The following SORCS2 variants were observed in gnomAD, a reference collection of about 807,000 sequenced individuals.
The protein encoded by SORCS2 is VPS10 domain-containing receptor SorCS2.
SORCS2 carries 100 observed loss-of-function variants against 141.6 expected under a neutral mutation model. The observed-to-expected ratio is 0.71, with a 90% CI of 0.60 to 0.83. SORCS2 has a LOEUF of 0.83. Ranked by LOEUF, SORCS2 falls within the 40% of genes least tolerant of loss-of-function variation. SORCS2 has a pLI of 0.00. For missense variants in SORCS2, 1,646 were observed against 1,560.2 expected, an observed-to-expected ratio of 1.05 and a Z score of -0.93; for synonymous variants, 789 against 676.9, an observed-to-expected ratio of 1.17 and a Z score of -2.57.
chr4:7,259,745 C>G (rs1229098902), intron 1 of SORCS2, among the ~76,000 whole-genome samples: 1 of 152,254 alleles, frequency 6.6e-6, no homozygotes, highest in Non-Finnish European at 1.5e-5. Flanking sequence ...ATCTCATTCA[C>G]ACATCACATG....
chr4:7,441,546 C>T (rs913817122), intron 2 of SORCS2, among the ~76,000 whole-genome samples: 2 of 151,916 alleles, frequency 1.3e-5, no homozygotes, highest in Admixed American at 6.6e-5. Flanking sequence ...GCCATAACCC[C>T]TTTCCACTCA....
intron 2 of SORCS2, among the ~76,000 whole-genome samples, chr4:7,462,971 T>C (rs1472291859): frequency 6.6e-6 from 1 of 151,764 alleles, no homozygotes; most frequent in African/African-American, 2.4e-5. Context: ...GAGGAGTGCC[T>C]GTTTGAGATC....
chr4:7,531,167 C>T (rs1711603705), intron 2 of SORCS2, among the ~76,000 whole-genome samples: 1 of 152,220 alleles, frequency 6.6e-6, no homozygotes, highest in African/African-American at 2.4e-5. Flanking sequence ...AGTGAACTAT[C>T]CCTTTGGAGG....
chr4:7,574,367 T>A (rs1715605719), intron 3 of SORCS2, among the ~76,000 whole-genome samples: 1 of 152,204 alleles, frequency 6.6e-6, no homozygotes, highest in African/African-American at 2.4e-5. Context: ...TACAGCCAAG[T>A]GCATTTTTTA....
chr4:7,434,062 G>C lies in SORCS2; in HGVS notation c.548+37707G>C, dbSNP rs1266244585. 15 of 1,611,236 alleles carry C rather than the reference G, an allele frequency of 9.3e-6. No homozygotes were observed. The highest frequency in any genetic ancestry group is 1.3e-5 in the Non-Finnish European group (15 of 1,177,948). ...CCTTGGCAACCCCAGCTCCAGGGAG[G>C]GGACCCCGTCCATGGCCACTACTTG... is the stretch of plus-strand genomic sequence containing the variant. On this transcript the variant is annotated intron_variant, in intron 2 of 26. Coordinates refer to ENST00000507866, the MANE Select transcript of SORCS2 (RefSeq NM_020777.3).
intron 2 of SORCS2, among the ~76,000 whole-genome samples, chr4:7,486,306 C>T (rs950057354): frequency 6.6e-6 from 1 of 152,290 alleles, no homozygotes; most frequent in African/African-American, 2.4e-5. Context: ...CTCACTGCTG[C>T]TGTTGGAGCG....
chr4:7,679,412 G>C (rs984338348), intron 9 of SORCS2, among the ~76,000 whole-genome samples: 1 of 152,216 alleles, frequency 6.6e-6, no homozygotes, highest in Admixed American at 6.5e-5. Context: ...CCTGCAATGT[G>C]ACCTTATTTG....
intron 1 of SORCS2, among the ~76,000 whole-genome samples, chr4:7,383,121 G>C (rs990687702): frequency 6.6e-6 from 1 of 152,108 alleles, no homozygotes; most frequent in African/African-American, 2.4e-5. Flanking sequence ...TTTCAAAACA[G>C]GGCCTCGTGT....
Position 7,712,838 on chromosome 4 carries a change from G to A in SORCS2, c.1974G>A (p.Glu658=), listed in dbSNP as rs770537750. 1 of 1,613,900 alleles carries A rather than the reference G, an allele frequency of 6.2e-7. No individual in the cohort carries two copies. Among genetic ancestry groups the A allele is most frequent in the South Asian group, 1.1e-5 (1 of 91,080 alleles). The change falls in exon 15 of 27, where the codon GAG becomes GAA. Residue 658 remains glutamate (E), a synonymous_variant. Coordinates refer to ENST00000507866, the MANE Select transcript of SORCS2 (RefSeq NM_020777.3). ...GCGAGGAGGACTACAGCTCCTGGGA[G>A]CTCTCCAACCTGCAGGTGGGCCGGC... ...QCGEEDYSSW[E]LSNLQGDRCI... is the part of the protein sequence containing the mutation.
chr4:7,655,223 A>ACACACACACACACACACG (rs1407505838), intron 5 of SORCS2, among the ~76,000 whole-genome samples: 16 of 152,094 alleles, frequency 1.1e-4, no homozygotes, highest in African/African-American at 3.6e-4. Context: ...ACACACACAC[A>ACACACACACACACACACG]CACAGTGCTA....
At chr4:7,197,792 G>C (rs1241867042) in intron 1 of SORCS2, among the ~76,000 whole-genome samples, 1 of 152,190 alleles carries the variant, frequency 6.6e-6, no homozygotes, top group Non-Finnish European at 1.5e-5. Flanking sequence ...ACGAGTGGTG[G>C]ACATTGCAAT....
intron 2 of SORCS2, among the ~76,000 whole-genome samples, chr4:7,530,107 C>T (rs1171225530): frequency 2.0e-5 from 3 of 152,236 alleles, no homozygotes; most frequent in Admixed American, 6.5e-5. Flanking sequence ...CTCAGGTTCA[C>T]TTGAAGATGT....
intron 3 of SORCS2, among the ~76,000 whole-genome samples, chr4:7,556,022 G>A (rs1044852583): frequency 6.6e-5 from 10 of 152,226 alleles, no homozygotes; most frequent in Admixed American, 5.2e-4. Flanking sequence ...AACTCACATC[G>A]CGATGCTCAT....
intron 2 of SORCS2, among the ~76,000 whole-genome samples, chr4:7,497,924 GTTTCACTGAAGGGGGTGAAGAAATGCA>G (rs1346172207): frequency 2.0e-5 from 3 of 152,262 alleles, no homozygotes; most frequent in African/African-American, 7.2e-5. Context: ...TAAGAAATGC[GTTTCACTGAAGGGGGTGAAGAAATGCA>G]TTTCACTGGA....
intron 2 of SORCS2, among the ~76,000 whole-genome samples, chr4:7,508,096 G>C (rs1732386004): frequency 6.6e-6 from 1 of 152,044 alleles, no homozygotes; most frequent in Non-Finnish European, 1.5e-5. Context: ...AGTGGTCCCG[G>C]CTGGGGTGTT....
chr4:7,359,409 C>T (rs1034082678), intron 1 of SORCS2, among the ~76,000 whole-genome samples: 4 of 152,244 alleles, frequency 2.6e-5, no homozygotes, highest in Non-Finnish European at 4.4e-5. Flanking sequence ...GCTGAAACTA[C>T]AGGCATGAGC....
At chr4:7,644,624 A>G (rs868042169) in intron 4 of SORCS2, among the ~76,000 whole-genome samples, 1 of 152,122 alleles carries the variant, frequency 6.6e-6, no homozygotes, top group Non-Finnish European at 1.5e-5. Context: ...ATCACATCCA[A>G]CTGCCACTAA....
chr4:7,439,709 T>C (rs552910989), intron 2 of SORCS2, among the ~76,000 whole-genome samples: 2 of 152,348 alleles, frequency 1.3e-5, no homozygotes, highest in South Asian at 2.1e-4. Flanking sequence ...TCCAGGCATG[T>C]TGTTCCCACA....
intron 2 of SORCS2, among the ~76,000 whole-genome samples, chr4:7,491,424 C>T (rs967905487): frequency 3.9e-5 from 6 of 152,384 alleles, no homozygotes; most frequent in Admixed American, 3.9e-4. Flanking sequence ...GCATGCCCCT[C>T]TCTGCAGGCA....
Sources: allele counts gnomAD v4.1 joint callset (sites outside exome capture counted in the v4.1 genomes callset), GRCh38; gene constraint gnomAD v4.1.1; transcripts MANE v1.5; gene names NCBI Gene and HGNC (gene_info 2026-07-23, HGNC 2026-07-21).